GRIP1: variants seen among roughly 807,000 people sequenced by gnomAD.
The protein encoded by GRIP1 is glutamate receptor interacting protein 1.
In GRIP1, 45 loss-of-function variants were observed where a neutral mutation model predicts 129.9. That is an observed-to-expected ratio of 0.35 (90% CI 0.27 to 0.44). The LOEUF (loss-of-function observed/expected upper bound fraction) is 0.44, where lower values mean the gene tolerates loss of function less well. Among genes scored for constraint, GRIP1 ranks in the 20% least tolerant of loss-of-function variants. The pLI, the probability that GRIP1 is intolerant of heterozygous loss-of-function variation, is 1.00. For missense variants in GRIP1, 1,196 were observed against 1,396.8 expected, an observed-to-expected ratio of 0.86 and a Z score of 2.29; for synonymous variants, 530 against 520.8, an observed-to-expected ratio of 1.02 and a Z score of -0.24.
intron 1 of GRIP1, among the ~76,000 whole-genome samples, chr12:66,987,781 A>T (rs1349913709): frequency 1.3e-5 from 2 of 152,194 alleles, no homozygotes; most frequent in Non-Finnish European, 2.9e-5. Flanking sequence ...GCCCAGTGAA[A>T]ATTAGCAAGT....
chr12:66,659,686 A>G (rs1183383457), intron 1 of GRIP1, among the ~76,000 whole-genome samples: 1 of 152,196 alleles, frequency 6.6e-6, no homozygotes, highest in Non-Finnish European at 1.5e-5. Flanking sequence ...ATTGCTGTTC[A>G]TTCTGACAGT....
At chr12:66,349,868 A>G (rs1449641479) in intron 24 of GRIP1, among the ~76,000 whole-genome samples, 1 of 151,966 alleles carries the variant, frequency 6.6e-6, no homozygotes, top group Non-Finnish European at 1.5e-5. Flanking sequence ...CAGCTTATAC[A>G]TGCACCCATC....
intron 1 of GRIP1, among the ~76,000 whole-genome samples, chr12:66,613,045 A>G (rs2064877233): frequency 6.6e-6 from 1 of 152,206 alleles, no homozygotes. Context: ...TGGCTCCTTA[A>G]AAGCATAGTT....
At chr12:67,010,201 TATAAA>T (rs1465564929) in intron 1 of GRIP1, among the ~76,000 whole-genome samples, 2 of 152,140 alleles carry the variant, frequency 1.3e-5, no homozygotes, top group Admixed American at 6.6e-5. Flanking sequence ...GGATAGGTAA[TATAAA>T]AGAAAAAAAT....
chr12:66,949,446 A>G (rs999986949), intron 1 of GRIP1, among the ~76,000 whole-genome samples: 4 of 152,216 alleles, frequency 2.6e-5, no homozygotes, highest in African/African-American at 9.6e-5. Flanking sequence ...CATGATGTGA[A>G]TACAAATCTG....
At chr12:67,005,681 C>T (rs1173406664) in intron 1 of GRIP1, among the ~76,000 whole-genome samples, 2 of 152,220 alleles carry the variant, frequency 1.3e-5, no homozygotes, top group African/African-American at 4.8e-5. Context: ...CCAGGCACTG[C>T]ACTAGGCATT....
intron 1 of GRIP1, among the ~76,000 whole-genome samples, chr12:66,743,380 G>A (rs528819477): frequency 6.6e-6 from 1 of 152,066 alleles, no homozygotes; most frequent in Non-Finnish European, 1.5e-5. Flanking sequence ...CAAGCTGGTG[G>A]AGTGACCAGG....
At chr12:66,988,979 A>G (rs967822137) in intron 1 of GRIP1, among the ~76,000 whole-genome samples, 2 of 151,624 alleles carry the variant, frequency 1.3e-5, no homozygotes, top group African/African-American at 4.9e-5. Flanking sequence ...CAGAAACATA[A>G]TTTCTTCTTA....
intron 1 of GRIP1, among the ~76,000 whole-genome samples, chr12:66,955,320 C>A (rs939100937): frequency 2.0e-5 from 3 of 152,038 alleles, no homozygotes; most frequent in Admixed American, 6.6e-5. Flanking sequence ...GAAGCACACA[C>A]GGAGAACCAC....
chr12:66,740,265 G>C (rs1030711080), intron 1 of GRIP1, among the ~76,000 whole-genome samples: 1 of 152,114 alleles, frequency 6.6e-6, no homozygotes, highest in Non-Finnish European at 1.5e-5. Flanking sequence ...ACCCTAGATG[G>C]AAAAGATCTA....
chr12:66,524,180 A>C (rs1005017976), intron 5 of GRIP1, among the ~76,000 whole-genome samples: 5 of 152,318 alleles, frequency 3.3e-5, no homozygotes, highest in Middle Eastern at 3.4e-3. Context: ...AAGTGGACCT[A>C]ATAGACATCT....
intron 4 of GRIP1, among the ~76,000 whole-genome samples, chr12:66,534,838 C>T (rs994019689): frequency 8.5e-5 from 13 of 152,106 alleles, no homozygotes; most frequent in African/African-American, 2.7e-4. Flanking sequence ...GGATTACTGG[C>T]GCCCACCACC....
intron 1 of GRIP1, among the ~76,000 whole-genome samples, chr12:67,014,004 C>T (rs2042747742): frequency 6.6e-6 from 1 of 152,164 alleles, no homozygotes; most frequent in African/African-American, 2.4e-5. Context: ...TGCAAACTGG[C>T]TGGCAAGATG....
chr12:66,938,762 TC>T (rs1350004372), intron 1 of GRIP1, among the ~76,000 whole-genome samples: 1 of 151,886 alleles, frequency 6.6e-6, no homozygotes, highest in Non-Finnish European at 1.5e-5. Flanking sequence ...ATCAAGACCA[TC>T]CTGGCCAACA....
intron 1 of GRIP1, among the ~76,000 whole-genome samples, chr12:66,639,461 G>A (rs1280012744): frequency 6.6e-6 from 1 of 152,162 alleles, no homozygotes; most frequent in African/African-American, 2.4e-5. Context: ...GGATGGGTGA[G>A]GGAGAAAATC....
intron 1 of GRIP1, among the ~76,000 whole-genome samples, chr12:66,937,406 TA>T (rs997929754): frequency 1.3e-5 from 2 of 152,250 alleles, no homozygotes; most frequent in Non-Finnish European, 2.9e-5. Context: ...TCCACTGCTT[TA>T]TCCTCAGCAC....
chr12:66,920,902 G>A (rs1438179540), intron 1 of GRIP1, among the ~76,000 whole-genome samples: 4 of 152,170 alleles, frequency 2.6e-5, no homozygotes, highest in Non-Finnish European at 4.4e-5. Context: ...AGGCATAAAC[G>A]GACTTCTCTA....
chr12:66,565,354 C>T (rs963169047), intron 2 of GRIP1, among the ~76,000 whole-genome samples: 26 of 152,086 alleles, frequency 1.7e-4, no homozygotes, highest in Admixed American at 3.9e-4. Context: ...CTAGCCAGTT[C>T]TCCCAGCACC....
intron 1 of GRIP1, among the ~76,000 whole-genome samples, chr12:67,048,897 C>G (rs1300173221): frequency 1.3e-5 from 2 of 152,128 alleles, no homozygotes; most frequent in Non-Finnish European, 2.9e-5. Flanking sequence ...GGAACTGTAA[C>G]TCCATTAAAC....
Sources: gnomAD v4.1 joint callset for allele counts (sites outside exome capture counted in the v4.1 genomes callset) on GRCh38, gnomAD v4.1.1 for gene constraint, MANE v1.5 for transcripts, NCBI Gene and HGNC (gene_info 2026-07-23, HGNC 2026-07-21) for gene names.